The following CORO2B variants were observed in gnomAD, a reference collection of about 807,000 sequenced individuals.
CORO2B encodes coronin 2B, also known as coronin-2B.
In CORO2B, 26 loss-of-function variants were observed where a neutral mutation model predicts 58.8. The ratio of observed to expected loss-of-function variants is 0.44; its 90% confidence interval spans 0.32 to 0.61. CORO2B has a LOEUF of 0.61. CORO2B is among the 20% of genes least tolerant of loss of function. The pLI is 0.04. For synonymous variants in CORO2B, 242 were observed against 253.8 expected, an observed-to-expected ratio of 0.95 and a Z score of 0.44; for missense variants, 460 against 645.1, an observed-to-expected ratio of 0.71 and a Z score of 3.11.
the CORO2B span, among the ~76,000 whole-genome samples, chr15:68,546,402 C>T: frequency 6.6e-6 from 1 of 152,126 alleles, no homozygotes; most frequent in Non-Finnish European, 1.5e-5. Flanking sequence ...GCTTAGCTAC[C>T]GCAAGGGATT....
At chr15:68,631,912 C>T (rs1244730513) in intron 1 of CORO2B, 1 of 983,376 alleles carries the variant, frequency 1.0e-6, no homozygotes, top group Non-Finnish European at 1.2e-6. Context: ...GCTGGAATGG[C>T]CCCAGATGGC....
At chr15:68,674,418 T>A (rs1309067657) in intron 2 of CORO2B, among the ~76,000 whole-genome samples, 1 of 152,144 alleles carries the variant, frequency 6.6e-6, no homozygotes, top group South Asian at 2.1e-4. Context: ...ATGCCCCAGG[T>A]GATTGTGTGC....
chr15:68,643,775 C>A (rs1901332320), intron 1 of CORO2B, among the ~76,000 whole-genome samples: 1 of 152,174 alleles, frequency 6.6e-6, no homozygotes, highest in Non-Finnish European at 1.5e-5. Context: ...CCGTGGCTCA[C>A]ACCTGTAATC....
chr15:68,631,734 A>G (rs752604882), intron 1 of CORO2B, among the ~76,000 whole-genome samples: 1 of 152,184 alleles, frequency 6.6e-6, no homozygotes, highest in Non-Finnish European at 1.5e-5. Flanking sequence ...GCAGGTGTTC[A>G]GGGGAGGGTA....
chr15:68,703,298 G>A (rs536266042), intron 3 of CORO2B, among the ~76,000 whole-genome samples: 13 of 149,596 alleles, frequency 8.7e-5, no homozygotes, highest in African/African-American at 2.7e-4. Context: ...TTACAGGCAC[G>A]CGCTACCACG....
chr15:68,531,555 G>GAAAGAAAGAGAAAGAAAGAGAAAGAAAGA, the CORO2B span, among the ~76,000 whole-genome samples: 1 of 77,798 alleles, frequency 1.3e-5, no homozygotes, highest in Non-Finnish European at 2.6e-5. Context: ...AAGGAAGGAA[G>GAAAGAAAGAGAAAGAAAGAGAAAGAAAGA]GAAAGAAAGA....
At chr15:68,719,989 G>C (rs886587217) in intron 11 of CORO2B, among the ~76,000 whole-genome samples, 3 of 152,210 alleles carry the variant, frequency 2.0e-5, no homozygotes, top group Non-Finnish European at 4.4e-5. Context: ...GGTGCTCTCT[G>C]TACCACTTGG....
the CORO2B span, among the ~76,000 whole-genome samples, chr15:68,548,546 A>G: frequency 1.5e-3 from 229 of 152,342 alleles, 1 homozygote; most frequent in African/African-American, 5.3e-3. Flanking sequence ...ACCACAGCAC[A>G]TACATCTCCC....
upstream of CORO2B, among the ~76,000 whole-genome samples, chr15:68,576,314 G>A (rs1338863571): frequency 6.6e-6 from 1 of 152,138 alleles, no homozygotes; most frequent in East Asian, 1.9e-4. Flanking sequence ...AGATGTGACA[G>A]AAGAGGTGAG....
intron 8 of CORO2B, among the ~76,000 whole-genome samples, chr15:68,716,338 T>G (rs1328740717): frequency 1.3e-5 from 2 of 152,242 alleles, no homozygotes; most frequent in Non-Finnish European, 2.9e-5. Context: ...TAATCAAACC[T>G]TCCTTGAATG....
chr15:68,635,768 T>A (rs1223938941), intron 1 of CORO2B, among the ~76,000 whole-genome samples: 3 of 152,134 alleles, frequency 2.0e-5, no homozygotes, highest in African/African-American at 4.8e-5. Flanking sequence ...GTCCTGCAAA[T>A]AGGGGGATGG....
chr15:68,711,717 A>G lies in CORO2B; in HGVS notation c.648+11A>G. 1 of 1,613,616 alleles carries G rather than the reference A, an allele frequency of 6.2e-7. No homozygotes were observed. The highest frequency in any genetic ancestry group is 1.3e-5 in the African/African-American group (1 of 75,000). On this transcript the variant is annotated intron_variant, in intron 5 of 11. Coordinates refer to ENST00000261861, the MANE Select transcript of CORO2B (RefSeq NM_006091.5). ...GGCCGTGTTCTGCAGGTGGAACCCT[A>G]CATTTTTTGAGATTGAAGGGGAAGG...
chr15:68,609,112 A>T (rs1900189385), intron 1 of CORO2B, among the ~76,000 whole-genome samples: 1 of 152,292 alleles, frequency 6.6e-6, no homozygotes, highest in East Asian at 1.9e-4. Context: ...AAGGAGCAGC[A>T]TTGGAACTGG....
intron 3 of CORO2B, among the ~76,000 whole-genome samples, chr15:68,700,294 G>A (rs1892609988): frequency 6.6e-6 from 1 of 152,182 alleles, no homozygotes. Flanking sequence ...GGCCCAGAGG[G>A]AAGCTCTTCA....
rs1156424602 is a variant in CORO2B, at chr15:68,579,178, G to A, written c.-85G>A. 1.7e-5 allele frequency: 17 copies of A among 984,278 alleles called. No homozygotes were observed. The Admixed American group carries it at 2.5e-4, about 15-fold the overall frequency. The allele number at this position is 984,278 out of a possible 1,614,324, so 61.0% of individuals were successfully genotyped here. On this transcript the variant is annotated 5_prime_UTR_variant, in exon 1 of 12. Transcript: ENST00000261861. ...CGCGGGGAGCGAGCCGGGAGCTGCC[G>A]GACCCCCTTCCGCCGCCGCCCCGGG...
the CORO2B span, among the ~76,000 whole-genome samples, chr15:68,543,691 ACTT>A: frequency 6.6e-6 from 1 of 151,966 alleles, no homozygotes; most frequent in Non-Finnish European, 1.5e-5. Context: ...GAATTAATCA[ACTT>A]CTATCGACTC....
chr15:68,557,579 T>C, the CORO2B span, among the ~76,000 whole-genome samples: 1 of 152,190 alleles, frequency 6.6e-6, no homozygotes, highest in African/African-American at 2.4e-5. Flanking sequence ...GCCTTGGGTA[T>C]ACCCAGCTTC....
the CORO2B span, among the ~76,000 whole-genome samples, chr15:68,572,136 C>G: frequency 6.6e-6 from 1 of 152,194 alleles, no homozygotes; most frequent in African/African-American, 2.4e-5. Context: ...AGGCCCCACT[C>G]TTGCTCTCCA....
At chr15:68,574,767 T>C (rs931361973), upstream of CORO2B, among the ~76,000 whole-genome samples, 8 of 152,202 alleles carry the variant, frequency 5.3e-5, no homozygotes, top group African/African-American at 1.7e-4. Flanking sequence ...ATGATTATAA[T>C]ACAGGGTGAA....
Sources: allele counts gnomAD v4.1 joint callset (sites outside exome capture counted in the v4.1 genomes callset), GRCh38; gene constraint gnomAD v4.1.1; transcripts MANE v1.5; gene names NCBI Gene and HGNC (gene_info 2026-07-23, HGNC 2026-07-21).